The following GEN1 variants were observed in gnomAD, a reference collection of about 807,000 sequenced individuals.
GEN1 encodes GEN1 structure-specific endonuclease, also known as flap endonuclease GEN homolog 1.
Under a neutral mutation model 67.6 loss-of-function variants are expected in GEN1, and 64 were observed. The observed-to-expected ratio is 0.95, with a 90% CI of 0.77 to 1.17. The LOEUF is 1.17. Among genes scored for constraint, GEN1 ranks in the 50% most tolerant of loss-of-function variants. GEN1 has a pLI of 0.00. For missense variants in GEN1, 1,058 were observed against 1,048.3 expected (o/e 1.01, Z -0.13); for synonymous variants, 371 against 359.4 (o/e 1.03, Z -0.37).
At chr2:17,756,082 A>T (rs73921071) in intron 1 of GEN1, among the ~76,000 whole-genome samples, 77 of 152,288 alleles carry the variant, frequency 5.1e-4, no homozygotes, top group African/African-American at 1.8e-3. Context: ...TCAAATATTA[A>T]ATACTAGATT....
At chr2:17,779,308 G>C (rs933540559) in intron 12 of GEN1, among the ~76,000 whole-genome samples, 12 of 152,138 alleles carry the variant, frequency 7.9e-5, no homozygotes, top group African/African-American at 2.9e-4. Context: ...TGAGTTTTAG[G>C]AAACTGTTTC....
intron 12 of GEN1, 137 bp downstream of exon 12, chr2:17,778,200 ATAT>A: frequency 2.6e-6 from 1 of 381,700 alleles, no homozygotes; most frequent in South Asian, 2.8e-5. Context: ...ACACACACAT[ATAT>A]GTGTATATAT....
At chr2:17,771,507 A>G (rs1255699471) in intron 7 of GEN1, among the ~76,000 whole-genome samples, 2 of 152,188 alleles carry the variant, frequency 1.3e-5, no homozygotes, top group South Asian at 2.1e-4. Flanking sequence ...GATGATAAAT[A>G]TAAGTACAGT....
intron 1 of GEN1, chr2:17,755,802 A>G (rs1389801897): frequency 2.6e-5 from 4 of 152,218 alleles, no homozygotes; most frequent in Admixed American, 2.0e-4. Context: ...TTGATTCATT[A>G]GTGAAATTAA....
rs770040868 is a variant in GEN1 at position 17,781,958 on chromosome 2, AT to A, written c.*20del. ...CACTTGAAATTTAAAACACTTAGGT[AT>A]AACTTAACTATTTTAGTACTATCAG... On this transcript the variant is annotated 3_prime_UTR_variant, in exon 14 of 14. Transcript: ENST00000381254. 8.9e-6 allele frequency: 12 copies of A among 1,346,470 alleles called. No homozygotes were observed. In the East Asian group the frequency reaches 2.8e-4, roughly 31 times the overall value. 83.4% of individuals were successfully genotyped at this position (1,346,470 alleles called of 1,614,324 possible).
intron 12 of GEN1, 147 bp from the exon 13 acceptor site, chr2:17,779,831 A>G: frequency 1.9e-6 from 1 of 524,038 alleles, no homozygotes. Flanking sequence ...GGTGTTGGTC[A>G]GGCTGGTCTC....
chr2:17,774,195 A>G, intron 10 of GEN1, 76 bp from the exon 11 acceptor site: 5 of 716,522 alleles, frequency 7.0e-6, no homozygotes, highest in Non-Finnish European at 1.0e-5. Flanking sequence ...AAAGGAAAAA[A>G]TATTAATATC....
At chr2:17,779,236 T>A (rs1379934913) in intron 12 of GEN1, among the ~76,000 whole-genome samples, 1 of 152,210 alleles carries the variant, frequency 6.6e-6, no homozygotes, top group Non-Finnish European at 1.5e-5. Flanking sequence ...AAAGTAGTAA[T>A]ACTTTTGATG....
chr2:17,759,976 G>T lies in GEN1; in HGVS notation c.33G>T (p.Glu11Asp). 6.2e-7 allele frequency: 1 copy of T among 1,613,972 alleles called. No individual in the cohort carries two copies. The highest frequency in any genetic ancestry group is 1.3e-5 in the African/African-American group (1 of 74,990). Residue 11 changes from glutamate (E) to aspartate (D), a missense_variant, in exon 2 of 14, where the codon GAG (glutamate) becomes GAT (aspartate). Coordinates refer to ENST00000381254, the MANE Select transcript of GEN1 (RefSeq NM_001130009.3). MGVNDLWQIL[E>D]PVKQHIPLRN... ...TGAATGACTTGTGGCAAATTTTGGA[G>T]CCTGTTAAGCAACACATCCCCTTGC... is the stretch of plus-strand genomic sequence containing the variant.
In GEN1 at chr2:17,786,859, A is replaced by T. The variant is rs946080257; in HGVS notation, c.*4920A>T. The T allele has an allele frequency of 6.6e-6, 1 of 152,144 alleles. No individual in the cohort carries two copies. Among genetic ancestry groups the T allele is most frequent in the Non-Finnish European group, 1.5e-5 (1 of 68,056 alleles). The allele number at this position is 152,144 out of a possible 1,614,324, so 9.4% of individuals were successfully genotyped here. ...GTTTGACACAGTAACTACTAGATGC[A>T]TGAATGACAATTCTCCACAACGCCC... On this transcript the variant is annotated 3_prime_UTR_variant, in exon 14 of 14. Coordinates refer to ENST00000381254, the MANE Select transcript of GEN1 (RefSeq NM_001130009.3).
chr2:17,768,598 T>C (rs1672037498), intron 5 of GEN1, 140 bp from the exon 6 acceptor site: 1 of 610,202 alleles, frequency 1.6e-6, no homozygotes, highest in African/African-American at 1.9e-5. Flanking sequence ...TGCATAGCAG[T>C]GTATCTTGCA....
rs769957878 is a variant in GEN1, at chr2:17,779,995, G to A, written c.1282G>A (p.Asp428Asn). 50 of 1,601,292 alleles carry A rather than the reference G, an allele frequency of 3.1e-5. No homozygotes were observed. The South Asian group carries it at 5.2e-4, about 17-fold the overall frequency. The stretch of plus-strand genomic sequence containing the variant: ...TCTTTTAGAACATTATGCTATGGAA[G>A]ATAAACAACATGGAGAATTTGCTTT... ...WEKPEHYAME[D>N]KQHGEFALLT... Residue 428 changes from aspartate (D) to asparagine (N), a missense_variant, in exon 13 of 14, where the codon GAT becomes AAT. Transcript: ENST00000381254.
chr2:17,763,874 G>T (rs911855917), intron 3 of GEN1, among the ~76,000 whole-genome samples: 8 of 152,336 alleles, frequency 5.3e-5, no homozygotes, highest in African/African-American at 1.9e-4. Context: ...ACATCTGACA[G>T]TGGTAGTTAT....
At chr2:17,774,139 T>C (rs1672321488) in intron 10 of GEN1, 132 bp from the exon 11 acceptor site, 1 of 411,896 alleles carries the variant, frequency 2.4e-6, no homozygotes, top group Non-Finnish European at 4.2e-6. Flanking sequence ...AGGCTCATTG[T>C]TTCTAGAATA....
chr2:17,768,489 A>G (rs955593218), intron 5 of GEN1, among the ~76,000 whole-genome samples: 3 of 152,208 alleles, frequency 2.0e-5, no homozygotes, highest in Non-Finnish European at 4.4e-5. Context: ...GTGGTTTGGT[A>G]TATAACTCGC....
chr2:17,757,027 G>A lies in GEN1; in HGVS notation c.-16+2682G>A, dbSNP rs536323155. 4.6e-5 allele frequency among the ~76,000 whole-genome samples: 7 copies of A among 152,276 alleles called. No individual in the cohort carries two copies. The South Asian group carries it at 1.5e-3, about 32-fold the overall frequency. ...AATTGCGTTCTTAAAATATTATGAT[G>A]TTCTTTCTAATAAAATGTACATTTC... On this transcript the variant is annotated intron_variant, in intron 1 of 13. Coordinates refer to ENST00000381254, the MANE Select transcript of GEN1 (RefSeq NM_001130009.3).
At position 17,784,745 on chromosome 2, in the gene GEN1, T is replaced by G. The variant is rs925558170; in HGVS notation, c.*2806T>G. ...TTTCCAAGGTTCTGCTTATTCTGAT[T>G]TGTTCAGTCGTGGCTGTGATAGTTC... On this transcript the variant is annotated 3_prime_UTR_variant, in exon 14 of 14. Transcript: ENST00000381254. The G allele has an allele frequency of 1.3e-5, 2 of 152,240 alleles. No individual in the cohort carries two copies. Among genetic ancestry groups the G allele is most frequent in the Non-Finnish European group, 2.9e-5 (2 of 68,038 alleles). 9.4% of individuals were successfully genotyped at this position (152,240 alleles called of 1,614,324 possible).
At position 17,786,700 on chromosome 2, in the gene GEN1, G is replaced by A. The variant is rs974088071; in HGVS notation, c.*4761G>A. ...CTTGACTCAAATATCACCTCAGAGAGTCCTAATCTTTTTATCTCCTGACAT... is the reference window on the plus strand; with the variant it reads ...CTTGACTCAAATATCACCTCAGAGAATCCTAATCTTTTTATCTCCTGACAT... On this transcript the variant is annotated 3_prime_UTR_variant, in exon 14 of 14. Coordinates refer to ENST00000381254, the MANE Select transcript of GEN1 (RefSeq NM_001130009.3). 2.6e-5 allele frequency: 4 copies of A among 151,944 alleles called. No homozygotes were observed. Among genetic ancestry groups the A allele is most frequent in the Non-Finnish European group, 5.9e-5 (4 of 68,004 alleles). The allele number at this position is 151,944 out of a possible 1,614,324, so 9.4% of individuals were successfully genotyped here.
rs1176239565 is a variant in GEN1, at chr2:17,781,587, A to G, written c.2375A>G (p.Lys792Arg). 5.6e-6 allele frequency: 9 copies of G among 1,614,014 alleles called. No homozygotes were observed. Among genetic ancestry groups the G allele is most frequent in the Non-Finnish European group, 7.6e-6 (9 of 1,179,944 alleles). ...CAAACCACTCGGAAAATTTTAATGAAGAAGAGTGTTTGCCTTGACAGACAT... is the reference window on the plus strand; with the variant it reads ...CAAACCACTCGGAAAATTTTAATGAGGAAGAGTGTTTGCCTTGACAGACAT... Reference protein sequence around the residue: ...DMQTTRKILMKKSVCLDRHSS... With the variant: ...DMQTTRKILMRKSVCLDRHSS... Residue 792 changes from lysine to arginine, a missense_variant, in exon 14 of 14, where the codon AAG (lysine) becomes AGG (arginine). Lys to Arg is a conservative substitution (Grantham distance 26, BLOSUM62 2). Coordinates refer to ENST00000381254, the MANE Select transcript of GEN1 (RefSeq NM_001130009.3).
Sources: allele counts gnomAD v4.1 joint callset (sites outside exome capture counted in the v4.1 genomes callset), GRCh38; gene constraint gnomAD v4.1.1; transcripts MANE v1.5; gene names NCBI Gene and HGNC (gene_info 2026-07-23, HGNC 2026-07-21).